The following DLG2 variants were observed in gnomAD, a reference collection of about 807,000 sequenced individuals.
DLG2 encodes the protein disks large homolog 2.
In DLG2, 45 loss-of-function variants were observed where a neutral mutation model predicts 132.5. That is an observed-to-expected ratio of 0.34 (90% CI 0.27 to 0.44). DLG2 has a LOEUF of 0.44. DLG2 is among the 20% of genes least tolerant of loss of function. DLG2 has a pLI of 1.00. For missense variants in DLG2, 1,045 were observed against 1,196.9 expected (o/e 0.87, Z 1.87); for synonymous variants, 424 against 419.6 (o/e 1.01, Z -0.13).
chr11:83,795,419 ATC>A (rs2042555175), intron 17 of DLG2, among the ~76,000 whole-genome samples: 1 of 142,282 alleles, frequency 7.0e-6, no homozygotes, highest in African/African-American at 2.8e-5. Flanking sequence ...GAAAAAAAAT[ATC>A]TATATCTATA....
rs1360455962 is a variant in DLG2 at position 83,963,031 on chromosome 11, G to A, written c.1202-8C>T. 6.2e-7 allele frequency: 1 copy of A among 1,612,064 alleles called. No homozygotes were observed. Among genetic ancestry groups the A allele is most frequent in the Non-Finnish European group, 8.5e-7 (1 of 1,178,510 alleles). On this transcript the variant is annotated splice_region_variant and splice_polypyrimidine_tract_variant and intron_variant, in intron 13 of 27. Transcript: ENST00000376104. The stretch of plus-strand genomic sequence containing the variant: ...CCATTGGTGGAGAATAAGCTAAGAG[G>A]TGGGGGAAAAAGAGAAAAGAAACCT...
At chr11:84,331,295 C>A (rs1241066165) in intron 7 of DLG2, among the ~76,000 whole-genome samples, 1 of 151,930 alleles carries the variant, frequency 6.6e-6, no homozygotes, top group African/African-American at 2.4e-5. Flanking sequence ...TTATTATTCC[C>A]ATTTCTGGGG....
chr11:84,414,553 C>T (rs916308302), intron 7 of DLG2, among the ~76,000 whole-genome samples: 1 of 152,108 alleles, frequency 6.6e-6, no homozygotes, highest in Non-Finnish European at 1.5e-5. Flanking sequence ...TCGGACTGAA[C>T]GTTTTCCTCC....
intron 6 of DLG2, among the ~76,000 whole-genome samples, chr11:84,917,004 A>G (rs1231177235): frequency 1.3e-5 from 2 of 152,142 alleles, no homozygotes; most frequent in East Asian, 1.9e-4. Flanking sequence ...CCATCCCCCA[A>G]TGCACACTTC....
At chr11:84,694,505 T>C (rs1489449350) in intron 6 of DLG2, among the ~76,000 whole-genome samples, 1 of 151,602 alleles carries the variant, frequency 6.6e-6, no homozygotes, top group African/African-American at 2.4e-5. Flanking sequence ...AGGTATTTTT[T>C]TTCTTTTTTG....
chr11:84,702,462 A>C (rs1319801394), intron 6 of DLG2, among the ~76,000 whole-genome samples: 2 of 151,692 alleles, frequency 1.3e-5, no homozygotes. Context: ...CTGTTGACAG[A>C]ACATCATTCT....
At chr11:83,669,751 C>G (rs1217995744) in intron 18 of DLG2, among the ~76,000 whole-genome samples, 1 of 152,132 alleles carries the variant, frequency 6.6e-6, no homozygotes, top group African/African-American at 2.4e-5. Context: ...TTAAGACAAA[C>G]AAACATGAAA....
chr11:84,357,022 A>C (rs950002239), intron 7 of DLG2, among the ~76,000 whole-genome samples: 12 of 152,142 alleles, frequency 7.9e-5, no homozygotes, highest in South Asian at 2.1e-4. Context: ...TGAGTGAGCA[A>C]AGAATGTAGG....
intron 6 of DLG2, among the ~76,000 whole-genome samples, chr11:84,893,064 G>A (rs757238138): frequency 1.3e-4 from 20 of 151,996 alleles, no homozygotes; most frequent in South Asian, 6.2e-4. Context: ...ATTTTGACGC[G>A]TACTCTTCTT....
chr11:83,717,191 A>G (rs1366952613), intron 18 of DLG2, among the ~76,000 whole-genome samples: 1 of 152,238 alleles, frequency 6.6e-6, no homozygotes, highest in Non-Finnish European at 1.5e-5. Context: ...GAAGCTACAG[A>G]GAACATGATT....
At chr11:83,627,663 G>T (rs1046835884) in intron 19 of DLG2, among the ~76,000 whole-genome samples, 12 of 152,124 alleles carry the variant, frequency 7.9e-5, no homozygotes, top group Admixed American at 7.9e-4. Flanking sequence ...GAATAGTGCC[G>T]CAATAAACAT....
intron 6 of DLG2, among the ~76,000 whole-genome samples, chr11:84,831,535 C>T (rs1303755001): frequency 6.6e-6 from 1 of 151,568 alleles, no homozygotes; most frequent in Non-Finnish European, 1.5e-5. Context: ...CGAATATAAA[C>T]TGACTTCAAA....
intron 6 of DLG2, among the ~76,000 whole-genome samples, chr11:85,062,007 C>T (rs1229707456): frequency 1.3e-5 from 2 of 151,732 alleles, no homozygotes; most frequent in African/African-American, 4.8e-5. Context: ...GAGGTTAACA[C>T]AACCAGAAGA....
intron 6 of DLG2, among the ~76,000 whole-genome samples, chr11:84,731,528 A>G (rs1298139493): frequency 6.6e-6 from 1 of 152,006 alleles, no homozygotes; most frequent in South Asian, 2.1e-4. Context: ...TTAACTAGAC[A>G]AACGGAAAGG....
chr11:83,921,911 G>A (rs139018150), intron 15 of DLG2, among the ~76,000 whole-genome samples: 82 of 152,086 alleles, frequency 5.4e-4, no homozygotes, highest in Middle Eastern at 3.4e-3. Flanking sequence ...TTATTTGAAC[G>A]TCACAGAATA....
chr11:84,363,835 AT>A (rs1370280277), intron 7 of DLG2, among the ~76,000 whole-genome samples: 1 of 151,726 alleles, frequency 6.6e-6, no homozygotes, highest in Non-Finnish European at 1.5e-5. Flanking sequence ...ATGCGGCGTT[AT>A]TTCTGAGGGC....
At chr11:84,893,347 C>A (rs1180336510) in intron 6 of DLG2, among the ~76,000 whole-genome samples, 1 of 152,148 alleles carries the variant, frequency 6.6e-6, no homozygotes, top group African/African-American at 2.4e-5. Context: ...AATGGTGGAC[C>A]ATCTCTGCGG....
At chr11:83,477,624 G>A (rs2092718887) in intron 22 of DLG2, among the ~76,000 whole-genome samples, 1 of 151,946 alleles carries the variant, frequency 6.6e-6, no homozygotes, top group African/African-American at 2.4e-5. Flanking sequence ...CAAGGGCCTA[G>A]GTCTTTGTTT....
chr11:84,474,263 G>A (rs1007909190), intron 7 of DLG2, among the ~76,000 whole-genome samples: 22 of 152,068 alleles, frequency 1.4e-4, no homozygotes, highest in African/African-American at 5.1e-4. Context: ...GCTGCAAGCA[G>A]TATGTGACCC....
Sources: allele counts gnomAD v4.1 joint callset (sites outside exome capture counted in the v4.1 genomes callset), GRCh38; gene constraint gnomAD v4.1.1; transcripts MANE v1.5; gene names NCBI Gene and HGNC (gene_info 2026-07-23, HGNC 2026-07-21).